Variants in RXRA observed in about 807,000 individuals in gnomAD.
RXRA encodes retinoid X receptor alpha.
In RXRA, 5 loss-of-function variants were observed where a neutral mutation model predicts 44.5. That is an observed-to-expected ratio of 0.11 (90% CI 0.06 to 0.24). The LOEUF is 0.24. Among genes scored for constraint, RXRA ranks in the 10% least tolerant of loss-of-function variants. RXRA has a pLI of 1.00. For missense variants in RXRA, 412 were observed against 646.5 expected (o/e 0.64, Z 3.93); for synonymous variants, 291 against 271.4 (o/e 1.07, Z -0.71).
intron 1 of RXRA, among the ~76,000 whole-genome samples, chr9:134,339,607 TTC>T (rs1360551060): frequency 2.4e-5 from 3 of 124,412 alleles, no homozygotes; most frequent in South Asian, 2.7e-4. Flanking sequence ...GTGCGTGTGT[TTC>T]TGTGTGAGTC....
intron 1 of RXRA, among the ~76,000 whole-genome samples, chr9:134,392,902 A>G (rs531465593): frequency 6.6e-6 from 1 of 151,752 alleles, no homozygotes; most frequent in South Asian, 2.1e-4. Context: ...GCACTCTGGG[A>G]TGGGGCTCCG....
intron 6 of RXRA, chr9:134,424,131 G>A (rs1831395069): frequency 2.0e-6 from 2 of 980,842 alleles, no homozygotes; most frequent in Non-Finnish European, 2.4e-6. Context: ...TGGTCGTGGT[G>A]GAGTGCAGTG....
chr9:134,367,265 G>C (rs1830426002), intron 1 of RXRA, among the ~76,000 whole-genome samples: 1 of 152,180 alleles, frequency 6.6e-6, no homozygotes. Context: ...TCTGGCGTTT[G>C]TGATCTCCCT....
At chr9:134,423,175 G>A (rs1488670995) in intron 6 of RXRA, 7 of 985,328 alleles carry the variant, frequency 7.1e-6, no homozygotes, top group Middle Eastern at 5.2e-4. Flanking sequence ...GTCAGCCGGG[G>A]TAGCTGTGAG....
intron 1 of RXRA, among the ~76,000 whole-genome samples, chr9:134,361,722 G>A (rs751577055): frequency 6.6e-5 from 10 of 152,214 alleles, no homozygotes; most frequent in Non-Finnish European, 1.0e-4. Context: ...CTGAGCTTCC[G>A]TGTTTGGGAG....
intron 4 of RXRA, among the ~76,000 whole-genome samples, chr9:134,414,688 G>A (rs1831205419): frequency 1.3e-5 from 2 of 152,244 alleles, no homozygotes; most frequent in African/African-American, 4.8e-5. Flanking sequence ...AGACAGCAGT[G>A]CCAGCTATGT....
At chr9:134,337,293 C>T (rs532900937) in intron 1 of RXRA, among the ~76,000 whole-genome samples, 2 of 152,316 alleles carry the variant, frequency 1.3e-5, no homozygotes, top group African/African-American at 4.8e-5. Context: ...TCCCACCTGC[C>T]TGCTGTCTGT....
chr9:134,416,062 G>T (rs1831229079), intron 4 of RXRA, among the ~76,000 whole-genome samples: 1 of 152,030 alleles, frequency 6.6e-6, no homozygotes, highest in Non-Finnish European at 1.5e-5. Flanking sequence ...CCCAGCTCAG[G>T]ACTTTCAGGG....
intron 7 of RXRA, among the ~76,000 whole-genome samples, chr9:134,430,183 G>A (rs1410090181): frequency 6.6e-6 from 1 of 152,226 alleles, no homozygotes; most frequent in African/African-American, 2.4e-5. Flanking sequence ...GCCGCGCCCG[G>A]CCTCTCTGCA....
chr9:134,377,100 G>C (rs1830567768), intron 1 of RXRA, among the ~76,000 whole-genome samples: 2 of 152,228 alleles, frequency 1.3e-5, no homozygotes, highest in Admixed American at 6.5e-5. Flanking sequence ...ATGGGGACCT[G>C]GCCAGTCTTG....
At chr9:134,370,949 A>G (rs1475541570) in intron 1 of RXRA, among the ~76,000 whole-genome samples, 1 of 152,092 alleles carries the variant, frequency 6.6e-6, no homozygotes, top group Non-Finnish European at 1.5e-5. Flanking sequence ...CCCTTCTTCC[A>G]CTGGGTTCCA....
chr9:134,429,043 G>A, intron 6 of RXRA, 65 bp from the exon 7 acceptor site: 1 of 1,594,254 alleles, frequency 6.3e-7, no homozygotes, highest in Non-Finnish European at 8.6e-7. Flanking sequence ...CCCACCAGGG[G>A]CTGGGGAAGG....
chr9:134,340,556 G>A (rs934580576), intron 1 of RXRA, among the ~76,000 whole-genome samples: 2 of 152,186 alleles, frequency 1.3e-5, no homozygotes, highest in African/African-American at 4.8e-5. Flanking sequence ...GGCCTACAGC[G>A]TGGCAGGTAT....
intron 1 of RXRA, among the ~76,000 whole-genome samples, chr9:134,391,678 C>CTGGTACCCGTCCT (rs1830801947): frequency 6.6e-6 from 1 of 152,206 alleles, no homozygotes; most frequent in African/African-American, 2.4e-5. Flanking sequence ...TCTGCCAAGT[C>CTGGTACCCGTCCT]CCCGAGCTGG....
chr9:134,380,148 C>G (rs576626838), intron 1 of RXRA: 1 of 985,350 alleles, frequency 1.0e-6, no homozygotes, highest in Non-Finnish European at 1.2e-6. Flanking sequence ...CGTCCACCAG[C>G]GGCAAGTCAG....
intron 1 of RXRA, among the ~76,000 whole-genome samples, chr9:134,330,533 C>G (rs1194665526): frequency 1.3e-5 from 2 of 152,166 alleles, no homozygotes; most frequent in Admixed American, 6.5e-5. Context: ...AGGGGTCACC[C>G]TCCTCCCCCC....
rs376497227 is a variant in RXRA, at chr9:134,362,683, C to T, written c.28+36024C>T. 1.1e-3 allele frequency among the ~76,000 whole-genome samples: 160 copies of T among 152,362 alleles called. 4 individuals are homozygous for T. The South Asian group carries it at 0.032, about 30-fold the overall frequency. ...TCGTGGATTCCTTCACACCTACAGACACACACTGCCGTCTTAGCTGGTGAG... is the reference window on the plus strand; with the variant it reads ...TCGTGGATTCCTTCACACCTACAGATACACACTGCCGTCTTAGCTGGTGAG... On this transcript the variant is annotated intron_variant, in intron 1 of 9. Transcript: ENST00000481739.
intron 1 of RXRA, among the ~76,000 whole-genome samples, chr9:134,334,127 G>A (rs868914776): frequency 2.0e-5 from 3 of 152,264 alleles, no homozygotes; most frequent in Middle Eastern, 3.2e-3. Flanking sequence ...TGTGTTAGGT[G>A]TTGAGGCCGC....
At chr9:134,347,204 G>T (rs941924874) in intron 1 of RXRA, among the ~76,000 whole-genome samples, 1 of 152,206 alleles carries the variant, frequency 6.6e-6, no homozygotes, top group African/African-American at 2.4e-5. Context: ...TCATCTGTGG[G>T]CAGGATGGGG....
Sources: allele counts gnomAD v4.1 joint callset (sites outside exome capture counted in the v4.1 genomes callset), GRCh38; gene constraint gnomAD v4.1.1; transcripts MANE v1.5; gene names NCBI Gene and HGNC (gene_info 2026-07-23, HGNC 2026-07-21).